SLC44A1: variants seen among roughly 807,000 people sequenced by gnomAD.
The protein encoded by SLC44A1 is choline transporter-like protein 1.
SLC44A1 carries 26 observed loss-of-function variants against 79.3 expected under a neutral mutation model. That is an observed-to-expected ratio of 0.33 (90% confidence interval 0.24 to 0.46). The LOEUF (loss-of-function observed/expected upper bound fraction) is 0.46. Ranked by LOEUF, SLC44A1 falls within the 20% of genes least tolerant of loss-of-function variation. The pLI, the probability that SLC44A1 is intolerant of heterozygous loss-of-function variation, is 1.00. For synonymous variants in SLC44A1, 263 were observed against 286.2 expected (o/e 0.92, Z 0.82); for missense variants, 688 against 798.1 (o/e 0.86, Z 1.66).
At chr9:105,410,673 C>T (rs758326163) in intron 15 of SLC44A1, among the ~76,000 whole-genome samples, 1 of 152,172 alleles carries the variant, frequency 6.6e-6, no homozygotes, top group Non-Finnish European at 1.5e-5. Context: ...ATAGAATTAC[C>T]ATGGGATGCA....
At chr9:105,268,199 C>T (rs746796702) in intron 1 of SLC44A1, among the ~76,000 whole-genome samples, 19 of 152,058 alleles carry the variant, frequency 1.2e-4, no homozygotes, top group Non-Finnish European at 2.2e-4. Context: ...CATTTTTAGC[C>T]CCATTGTCAT....
chr9:105,382,358 C>T (rs1206472332), intron 13 of SLC44A1, among the ~76,000 whole-genome samples: 1 of 152,144 alleles, frequency 6.6e-6, no homozygotes, highest in Non-Finnish European at 1.5e-5. Context: ...GTGGGTGGTT[C>T]TTGACAATAA....
chr9:105,254,018 G>T (rs1188867132), intron 1 of SLC44A1, among the ~76,000 whole-genome samples: 1 of 151,932 alleles, frequency 6.6e-6, no homozygotes, highest in Non-Finnish European at 1.5e-5. Context: ...ACTGTGCCTG[G>T]CTGAGACCCT....
Position 105,392,965 on chromosome 9 carries a change from A to G in SLC44A1, c.*3909A>G, listed in dbSNP as rs1828798836. 1 of 906,470 alleles carries G rather than the reference A, an allele frequency of 1.1e-6. No homozygotes were observed. Among genetic ancestry groups the G allele is most frequent in the Non-Finnish European group, 1.3e-6 (1 of 764,754 alleles). 56.2% of individuals were successfully genotyped at this position (906,470 alleles called of 1,614,324 possible). A position where few individuals can be genotyped will look rare whatever the true frequency, so the allele number is the denominator to read the frequency against. On this transcript the variant is annotated 3_prime_UTR_variant, in exon 16 of 16. Transcript: ENST00000374720. ...TTTTCTACTGCTACTTTAAAAAAAA[A>G]ACAACAACAACAAATAAAACTCTCA... is the stretch of plus-strand genomic sequence containing the variant.
intron 2 of SLC44A1, chr9:105,300,022 T>A: frequency 1.3e-6 from 1 of 767,084 alleles, no homozygotes; most frequent in Non-Finnish European, 1.6e-6. Context: ...TTAGAGTCCC[T>A]GCCAGTGTGC....
intron 15 of SLC44A1, among the ~76,000 whole-genome samples, chr9:105,416,930 T>C (rs1338385512): frequency 6.6e-6 from 1 of 152,234 alleles, no homozygotes; most frequent in East Asian, 1.9e-4. Context: ...ATTGAGAATT[T>C]CATGCAGATT....
intron 14 of SLC44A1, among the ~76,000 whole-genome samples, chr9:105,383,974 G>T (rs933024840): frequency 6.6e-6 from 1 of 152,054 alleles, no homozygotes; most frequent in African/African-American, 2.4e-5. Context: ...CTTATTAAAT[G>T]GTTTAAGTAC....
chr9:105,412,932 C>T (rs1829116762), intron 15 of SLC44A1, among the ~76,000 whole-genome samples: 1 of 151,954 alleles, frequency 6.6e-6, no homozygotes, highest in Non-Finnish European at 1.5e-5. Flanking sequence ...TAGGTCAATC[C>T]ACACCTGGAA....
chr9:105,309,942 T>C (rs1831134486), intron 3 of SLC44A1, 76 bp downstream of exon 3: 4 of 1,440,600 alleles, frequency 2.8e-6, no homozygotes, highest in Non-Finnish European at 3.8e-6. Flanking sequence ...GTTCTTGCTG[T>C]TTTAAAGATA....
At chr9:105,302,838 C>T (rs1317573367) in intron 2 of SLC44A1, among the ~76,000 whole-genome samples, 2 of 152,032 alleles carry the variant, frequency 1.3e-5, no homozygotes, top group Admixed American at 1.3e-4. Context: ...AGAAAGATGG[C>T]GCTGGCAGCT....
intron 2 of SLC44A1, among the ~76,000 whole-genome samples, chr9:105,300,823 C>T (rs183199647): frequency 4.2e-4 from 64 of 150,594 alleles, no homozygotes; most frequent in African/African-American, 1.5e-3. Flanking sequence ...GTTGCCCATG[C>T]TGGAGTGCAT....
chr9:105,288,289 T>C (rs1315556930), intron 1 of SLC44A1, among the ~76,000 whole-genome samples: 2 of 98,666 alleles, frequency 2.0e-5, no homozygotes, highest in Non-Finnish European at 3.5e-5. Context: ...TAATTTGTAA[T>C]TTTTTTTCTC....
At chr9:105,290,727 A>G (rs1025485302) in intron 1 of SLC44A1, among the ~76,000 whole-genome samples, 1 of 152,226 alleles carries the variant, frequency 6.6e-6, no homozygotes, top group Non-Finnish European at 1.5e-5. Flanking sequence ...TCTCTCTGTG[A>G]TCTTTCTATC....
At chr9:105,438,154 A>C in intron 15 of SLC44A1, 2 of 677,398 alleles carry the variant, frequency 3.0e-6, no homozygotes, top group Admixed American at 2.3e-5. Context: ...GTGTGTGTGT[A>C]GCCTTCTTAC....
chr9:105,334,368 C>T (rs893741273), intron 3 of SLC44A1, among the ~76,000 whole-genome samples: 6 of 151,352 alleles, frequency 4.0e-5, no homozygotes, highest in Non-Finnish European at 8.8e-5. Context: ...CTTTTTTTTC[C>T]TACTTATTTT....
chr9:105,363,469 C>CT (rs1249801068), intron 9 of SLC44A1, among the ~76,000 whole-genome samples: 1 of 151,820 alleles, frequency 6.6e-6, no homozygotes, highest in African/African-American at 2.4e-5. Context: ...CGCACCTGGC[C>CT]TTTTATTTTT....
downstream of SLC44A1, among the ~76,000 whole-genome samples, chr9:105,399,819 T>C (rs1296652336): frequency 1.3e-5 from 2 of 152,180 alleles, no homozygotes; most frequent in African/African-American, 4.8e-5. Context: ...TCTTAAAATA[T>C]AGTAGGTGCT....
chr9:105,398,920 C>T (rs913243874), downstream of SLC44A1, among the ~76,000 whole-genome samples: 9 of 152,108 alleles, frequency 5.9e-5, no homozygotes, highest in African/African-American at 1.2e-4. Flanking sequence ...TAACACTAAC[C>T]ATAGCTGATA....
At chr9:105,310,381 T>C (rs1396436614) in intron 3 of SLC44A1, among the ~76,000 whole-genome samples, 5 of 152,198 alleles carry the variant, frequency 3.3e-5, no homozygotes, top group Non-Finnish European at 5.9e-5. Context: ...ATTCATCTTT[T>C]AGATTTCATG....
Sources: allele counts gnomAD v4.1 joint callset (sites outside exome capture counted in the v4.1 genomes callset), GRCh38; gene constraint gnomAD v4.1.1; transcripts MANE v1.5; gene names NCBI Gene and HGNC (gene_info 2026-07-23, HGNC 2026-07-21).